The following GUCY1B1 variants were observed in gnomAD, a reference collection of about 807,000 sequenced individuals.
The protein encoded by GUCY1B1 is guanylate cyclase soluble subunit beta-1.
A neutral mutation model predicts 71.0 loss-of-function variants in GUCY1B1; 43 were observed. The observed-to-expected ratio is 0.61, with a 90% CI of 0.47 to 0.78. GUCY1B1 has a LOEUF of 0.78. Among genes scored for constraint, GUCY1B1 ranks in the 30% least tolerant of loss-of-function variants. The probability of loss-of-function intolerance (pLI) is 0.00; values close to 1 mark genes in which losing one functional copy is unlikely to be tolerated. For missense variants in GUCY1B1, 535 were observed against 754.1 expected, an observed-to-expected ratio of 0.71 and a Z score of 3.40; for synonymous variants, 266 against 259.7, an observed-to-expected ratio of 1.02 and a Z score of -0.23.
chr4:155,796,532 A>T, intron 8 of GUCY1B1, 22 bp downstream of exon 8: 2 of 1,548,094 alleles, frequency 1.3e-6, no homozygotes, highest in Non-Finnish European at 1.8e-6. Context: ...TAGATTAATT[A>T]TAGTGGCTAT....
In GUCY1B1 at chr4:155,795,467, A is replaced by G; in HGVS notation, c.843+10A>G. The G allele has an allele frequency of 8.3e-7, 1 of 1,202,644 alleles. No individual in the cohort carries two copies. Among genetic ancestry groups the G allele is most frequent in the Non-Finnish European group, 1.2e-6 (1 of 812,012 alleles). The allele number at this position is 1,202,644 out of a possible 1,614,324, so 74.5% of individuals were successfully genotyped here. A position where few individuals can be genotyped will look rare whatever the true frequency, so the allele number is the denominator to read the frequency against. On this transcript the variant is annotated intron_variant, in intron 7 of 13. Transcript: ENST00000264424. ...TGTATTGAGAAGCAAGGTAATCAAG[A>G]TATTATTTCATTAAATGTGAGAAAG...
chr4:155,800,143 G>A lies in GUCY1B1; in HGVS notation c.1175+69G>A, dbSNP rs1378798390. 6.6e-6 allele frequency: 7 copies of A among 1,067,182 alleles called. No individual in the cohort carries two copies. In the East Asian group the frequency reaches 1.8e-4, roughly 28 times the overall value. 66.1% of individuals were successfully genotyped at this position (1,067,182 alleles called of 1,614,324 possible). A position where few individuals can be genotyped will look rare whatever the true frequency, so the allele number is the denominator to read the frequency against. ...ATGTGACTCTACTATATTTAAGTTT[G>A]AGAACCAGACTAAAAAGCCATGTGA... On this transcript the variant is annotated intron_variant, in intron 9 of 13. Transcript: ENST00000264424.
chr4:155,797,506 G>A (rs1739635090), intron 8 of GUCY1B1, among the ~76,000 whole-genome samples: 3 of 151,942 alleles, frequency 2.0e-5, no homozygotes, highest in East Asian at 1.9e-4. Context: ...TTCGGAGGCC[G>A]AGGTGGGTGG....
At chr4:155,788,881 G>T (rs1738972087) in intron 4 of GUCY1B1, among the ~76,000 whole-genome samples, 1 of 152,010 alleles carries the variant, frequency 6.6e-6, no homozygotes, top group Admixed American at 6.6e-5. Flanking sequence ...ACCCCAACAT[G>T]TTATGAACTG....
chr4:155,787,068 A>G (rs1312980313), intron 4 of GUCY1B1, among the ~76,000 whole-genome samples: 2 of 152,110 alleles, frequency 1.3e-5, no homozygotes, highest in Non-Finnish European at 2.9e-5. Context: ...ATTTTCTTTC[A>G]CAAAATGTTT....
chr4:155,769,960 G>A (rs554903734), intron 2 of GUCY1B1, among the ~76,000 whole-genome samples: 2 of 152,210 alleles, frequency 1.3e-5, no homozygotes, highest in South Asian at 2.1e-4. Flanking sequence ...GAATGAATGA[G>A]TCTATAAAAT....
At chr4:155,795,676 G>A (rs1171120544) in intron 7 of GUCY1B1, among the ~76,000 whole-genome samples, 1 of 152,086 alleles carries the variant, frequency 6.6e-6, no homozygotes, top group East Asian at 1.9e-4. Flanking sequence ...AAATTTTAGA[G>A]ACTGTCTTTC....
chr4:155,804,783 A>T, intron 12 of GUCY1B1, 36 bp downstream of exon 12: 1 of 1,563,394 alleles, frequency 6.4e-7, no homozygotes. Flanking sequence ...CTGATTTGCA[A>T]AGAAAATGTG....
chr4:155,790,101 C>T (rs1279002768), intron 5 of GUCY1B1, among the ~76,000 whole-genome samples, 190 bp downstream of exon 5: 1 of 152,092 alleles, frequency 6.6e-6, no homozygotes. Flanking sequence ...ATATTTTTTT[C>T]CTTCTGGCAG....
At chr4:155,783,501 T>C (rs1351293564) in intron 4 of GUCY1B1, among the ~76,000 whole-genome samples, 1 of 152,244 alleles carries the variant, frequency 6.6e-6, no homozygotes, top group Non-Finnish European at 1.5e-5. Flanking sequence ...CTGGAGACAC[T>C]GGCTTCTTCA....
chr4:155,777,408 A>T (rs979513538), intron 3 of GUCY1B1, 116 bp from the exon 4 acceptor site: 2 of 655,930 alleles, frequency 3.0e-6, no homozygotes, highest in African/African-American at 1.8e-5. Flanking sequence ...TATGCTTGCC[A>T]TGCACAAAAA....
At chr4:155,764,130 G>A (rs1737179899) in intron 2 of GUCY1B1, among the ~76,000 whole-genome samples, 1 of 151,970 alleles carries the variant, frequency 6.6e-6, no homozygotes, top group East Asian at 1.9e-4. Flanking sequence ...ACAAACAAAA[G>A]AGCACATCAC....
rs139006943 is a variant in GUCY1B1 at position 155,785,894 on chromosome 4, A to G, written c.298-3820A>G. Among the ~76,000 whole-genome samples the G allele has an allele frequency of 1.3e-4, 20 of 152,328 alleles. No homozygotes were observed. The East Asian group carries it at 3.7e-3, about 28-fold the overall frequency. On this transcript the variant is annotated intron_variant, in intron 4 of 13. Transcript: ENST00000264424. ...GTTCAATTAACTAATAGTAAATTCA[A>G]TAACACAGTAAATCTCTGGAGAGTT...
At position 155,796,422 on chromosome 4, in the gene GUCY1B1, A is replaced by C; in HGVS notation, c.889A>C (p.Thr297Pro). The C allele has an allele frequency of 6.2e-7, 1 of 1,612,962 alleles. No individual in the cohort carries two copies. The highest frequency in any genetic ancestry group is 8.5e-7 in the Non-Finnish European group (1 of 1,178,960). ...VEKLECEDEL[T>P]GTEISCLRLK... ...GAAATTAGAATGTGAGGATGAACTG[A>C]CTGGGACTGAGATCAGCTGCTTACG... The change falls in exon 8 of 14, where the codon ACT becomes CCT. Residue 297 changes from threonine to proline, a missense_variant. Coordinates refer to ENST00000264424, the MANE Select transcript of GUCY1B1 (RefSeq NM_000857.5).
At chr4:155,791,779 C>CAAAA (rs10669957) in intron 5 of GUCY1B1, among the ~76,000 whole-genome samples, 24 of 144,454 alleles carry the variant, frequency 1.7e-4, no homozygotes, top group Admixed American at 5.5e-4. Context: ...AAACGAAAAA[C>CAAAA]AAAAAAAAAC....
intron 2 of GUCY1B1, among the ~76,000 whole-genome samples, chr4:155,763,467 A>G (rs780042372): frequency 2.0e-4 from 30 of 152,228 alleles, no homozygotes; most frequent in Non-Finnish European, 4.0e-4. Context: ...TAAATCAGAT[A>G]AAACGTTTAT....
chr4:155,805,282 A>G, intron 13 of GUCY1B1, 53 bp downstream of exon 13: 1 of 1,411,246 alleles, frequency 7.1e-7, no homozygotes. Context: ...ATAAGTATGG[A>G]AAACTAAAGC....
chr4:155,781,402 C>T (rs1738407177), intron 4 of GUCY1B1, among the ~76,000 whole-genome samples: 1 of 152,162 alleles, frequency 6.6e-6, no homozygotes, highest in Non-Finnish European at 1.5e-5. Context: ...ACTAACATAT[C>T]TTTCCCCTTG....
At chr4:155,778,425 T>C (rs995524091) in intron 4 of GUCY1B1, among the ~76,000 whole-genome samples, 9 of 152,258 alleles carry the variant, frequency 5.9e-5, no homozygotes, top group Non-Finnish European at 1.3e-4. Flanking sequence ...ATTTCTAAAC[T>C]GGCTGCTTTC....
Sources: gnomAD v4.1 joint callset for allele counts (sites outside exome capture counted in the v4.1 genomes callset) on GRCh38, gnomAD v4.1.1 for gene constraint, MANE v1.5 for transcripts, NCBI Gene and HGNC (gene_info 2026-07-23, HGNC 2026-07-21) for gene names.